ASH1L: variants seen among roughly 807,000 people sequenced by gnomAD.
ASH1L encodes ASH1 like histone lysine methyltransferase.
ASH1L carries 23 observed loss-of-function variants against 269.0 expected under a neutral mutation model. The observed-to-expected ratio is 0.09, with a 90% CI of 0.06 to 0.12. The LOEUF is 0.12. Ranked by LOEUF, ASH1L falls within the 10% of genes least tolerant of loss-of-function variation. ASH1L has a pLI of 1.00. For synonymous variants in ASH1L, 1,187 were observed against 1,253.5 expected (o/e 0.95, Z 1.12); for missense variants, 2,912 against 3,567.8 (o/e 0.82, Z 4.68).
At chr1:155,556,374 T>TTATAAA (rs987736630) in intron 1 of ASH1L, among the ~76,000 whole-genome samples, 3 of 150,776 alleles carry the variant, frequency 2.0e-5, no homozygotes, top group African/African-American at 7.3e-5. Context: ...CTGTAAAAAA[T>TTATAAA]TATAAATATA....
chr1:155,521,344 T>G lies in ASH1L; in HGVS notation c.176A>C (p.Glu59Ala), dbSNP rs1204718205. ...AGTCAAACCATCATCTTTCCCAGCT[T>G]CGATGTTTCTTTCTCGATTCCGTTT... Reference protein sequence around the residue: ...LRKRNRERNIEAGKDDGLTDA... With the variant: ...LRKRNRERNIAAGKDDGLTDA... Residue 59 changes from glutamate to alanine, a missense_variant, in exon 2 of 28, where the codon GAA becomes GCA. Glu to Ala is a moderately radical substitution (Grantham distance 107). Transcript: ENST00000392403. 6.2e-7 allele frequency: 1 copy of G among 1,614,200 alleles called. No individual in the cohort carries two copies.
rs536896427 is a variant in ASH1L at position 155,350,014 on chromosome 1, C to T, written c.7367-418G>A. 4.6e-5 allele frequency among the ~76,000 whole-genome samples: 7 copies of T among 151,802 alleles called. No individual in the cohort carries two copies. In the South Asian group the frequency reaches 8.3e-4, roughly 18 times the overall value. On this transcript the variant is annotated intron_variant, in intron 17 of 27. Transcript: ENST00000392403. ...ATGCCATTCTCCTGCCTCAGCCTCC[C>T]GAGTAGCTGGGACTACAGGTACCCG... is the stretch of plus-strand genomic sequence containing the variant.
At position 155,542,702 on chromosome 1, in the gene ASH1L, A is replaced by C. The variant is rs578078137; in HGVS notation, c.-100+19451T>G. Among the ~76,000 whole-genome samples, 8 of 144,904 alleles carry C rather than the reference A, an allele frequency of 5.5e-5. No individual in the cohort carries two copies. The East Asian group carries it at 1.6e-3, about 30-fold the overall frequency. ...ATTAATTTTTTTTTTTTTTTTGAGA[A>C]GGAGTCTCATTCTGTCACCCAGGCT... On this transcript the variant is annotated intron_variant, in intron 1 of 27. Coordinates refer to ENST00000392403, the MANE Select transcript of ASH1L (RefSeq NM_018489.3).
At chr1:155,455,399 C>T (rs373430811) in intron 4 of ASH1L, among the ~76,000 whole-genome samples, 3 of 152,116 alleles carry the variant, frequency 2.0e-5, no homozygotes, top group East Asian at 1.9e-4. Flanking sequence ...AGTATATTAT[C>T]CCTTTGGATT....
At chr1:155,547,722 T>C (rs1670927578) in intron 1 of ASH1L, among the ~76,000 whole-genome samples, 1 of 147,772 alleles carries the variant, frequency 6.8e-6, no homozygotes, top group South Asian at 2.1e-4. Context: ...AAACTCAGTC[T>C]CAAAAAAAAA....
rs374397967 is a variant in ASH1L at position 155,410,596 on chromosome 1, G to A, written c.6008+5148C>T. Among the ~76,000 whole-genome samples, 202 of 152,194 alleles carry A rather than the reference G, an allele frequency of 1.3e-3. 1 individual carries two copies. The highest frequency in any genetic ancestry group is 4.0e-3 in the African/African-American group (167 of 41,534). On this transcript the variant is annotated intron_variant, in intron 6 of 27. Transcript: ENST00000392403. The stretch of plus-strand genomic sequence containing the variant: ...CTCAAGCAATCCTCCAGCTCCAGCC[G>A]CCTAAAGTGCTGGGATTACAGGCGT...
chr1:155,506,443 T>C (rs1667819412), intron 2 of ASH1L, among the ~76,000 whole-genome samples: 1 of 152,216 alleles, frequency 6.6e-6, no homozygotes, highest in East Asian at 1.9e-4. Context: ...ACGCCTGTAA[T>C]CCTAGCACTT....
At position 155,392,070 on chromosome 1, in the gene ASH1L, C is replaced by T. The variant is rs375789494; in HGVS notation, c.6103+3389G>A. ...AACCAAAATCTGTAACACTCTCTTCCGTGGGGTAGGCAGCAGCTGAAATCC... is the reference window on the plus strand; with the variant it reads ...AACCAAAATCTGTAACACTCTCTTCTGTGGGGTAGGCAGCAGCTGAAATCC... On this transcript the variant is annotated intron_variant, in intron 7 of 27. Coordinates refer to ENST00000392403, the MANE Select transcript of ASH1L (RefSeq NM_018489.3). 4.5e-4 allele frequency among the ~76,000 whole-genome samples: 69 copies of T among 152,226 alleles called. 1 individual carries two copies. In the South Asian group the frequency reaches 9.3e-3, roughly 21 times the overall value.
intron 1 of ASH1L, among the ~76,000 whole-genome samples, chr1:155,542,873 G>A (rs1320309291): frequency 6.6e-6 from 1 of 151,512 alleles, no homozygotes; most frequent in Non-Finnish European, 1.5e-5. Flanking sequence ...TACAGACAGG[G>A]TTTCATCATG....
chr1:155,339,214 G>T, intron 26 of ASH1L, 114 bp downstream of exon 26: 3 of 932,156 alleles, frequency 3.2e-6, no homozygotes, highest in Non-Finnish European at 5.2e-6. Flanking sequence ...GGGCTACTCT[G>T]CAGAGAATAC....
chr1:155,535,090 G>A (rs1162614458), intron 1 of ASH1L, among the ~76,000 whole-genome samples: 1 of 151,746 alleles, frequency 6.6e-6, no homozygotes, highest in Non-Finnish European at 1.5e-5. Flanking sequence ...TCGGGAGGCT[G>A]AGGCAGGAGA....
At chr1:155,359,033 T>C (rs2148377498) in intron 13 of ASH1L, among the ~76,000 whole-genome samples, 1 of 152,220 alleles carries the variant, frequency 6.6e-6, no homozygotes, top group East Asian at 1.9e-4. Flanking sequence ...GGTGGGAAGA[T>C]TGCTTAAGCC....
intron 2 of ASH1L, among the ~76,000 whole-genome samples, chr1:155,507,228 C>T (rs541997622): frequency 2.7e-5 from 4 of 149,076 alleles, no homozygotes; most frequent in East Asian, 2.0e-4. Flanking sequence ...TGCGGTGTGC[C>T]GAGATCGCGC....
intron 1 of ASH1L, among the ~76,000 whole-genome samples, chr1:155,556,937 A>ACAATGGAAGGACTGCTT: frequency 6.6e-6 from 1 of 152,256 alleles, no homozygotes; most frequent in East Asian, 1.9e-4. Context: ...GTTACTTGGG[A>ACAATGGAAGGACTGCTT]CAATGGAAGG....
At position 155,438,493 on chromosome 1, in the gene ASH1L, G is replaced by A. The variant is rs1222427655; in HGVS notation, c.5662C>T (p.Leu1888Phe). 6.2e-7 allele frequency: 1 copy of A among 1,613,648 alleles called. No individual in the cohort carries two copies. Among genetic ancestry groups the A allele is most frequent in the South Asian group, 1.1e-5 (1 of 90,958 alleles). ...NRDEEGAALHLSPDTVTDVIE... is the reference protein window; with the variant it reads ...NRDEEGAALHFSPDTVTDVIE... ...ACATCTGTAACTGTGTCAGGACTGA[G>A]GTGCAGTGCTGCTCCTTCCTCGTCT... The change falls in exon 5 of 28, where the codon CTC becomes TTC. Residue 1888 changes from leucine (L) to phenylalanine (F), a missense_variant. Coordinates refer to ENST00000392403, the MANE Select transcript of ASH1L (RefSeq NM_018489.3).
chr1:155,338,092 T>C lies in ASH1L; in HGVS notation c.8800A>G (p.Asn2934Asp). 1 of 1,612,134 alleles carries C rather than the reference T, an allele frequency of 6.2e-7. No individual in the cohort carries two copies. Among genetic ancestry groups the C allele is most frequent in the Admixed American group, 1.7e-5 (1 of 59,832 alleles). Reference sequence around the variant, plus strand: ...ATATGAACCTGATTCTTCTTACCATTTTTTCCAGGGATTTTTTCAAGGAGA... The same window carrying C: ...ATATGAACCTGATTCTTCTTACCATCTTTTCCAGGGATTTTTTCAAGGAGA... ...LNLLEKIPGK[N>D]AIDVTYLLEE... Residue 2934 changes from asparagine to aspartate, a missense_variant, in exon 27 of 28, where the codon AAT becomes GAT. Asn to Asp is a conservative substitution (Grantham distance 23). Around this residue, in one of 13 missense-constraint regions of ASH1L, gnomAD observed 154 missense variants for 165.0 expected, o/e 0.93. Transcript: ENST00000392403.
intron 5 of ASH1L, among the ~76,000 whole-genome samples, chr1:155,422,592 T>C (rs1660789035): frequency 6.6e-6 from 1 of 151,646 alleles, no homozygotes; most frequent in African/African-American, 2.4e-5. Context: ...TGGGAACTTG[T>C]CTACTGCCTC....
At chr1:155,433,018 G>T (rs1470061233) in intron 5 of ASH1L, among the ~76,000 whole-genome samples, 1 of 152,218 alleles carries the variant, frequency 6.6e-6, no homozygotes, top group Non-Finnish European at 1.5e-5. Context: ...TGGTCAAGAT[G>T]TCTCAAACTA....
At chr1:155,370,077 AT>A in intron 12 of ASH1L, 1 of 179,156 alleles carries the variant, frequency 5.6e-6, no homozygotes, top group Non-Finnish European at 1.2e-5. Flanking sequence ...TATTATCATT[AT>A]TTTTTGTTTT....
Sources: allele counts gnomAD v4.1 joint callset (sites outside exome capture counted in the v4.1 genomes callset), GRCh38; gene constraint gnomAD v4.1.1; regional missense constraint gnomAD v4.1.1; transcripts MANE v1.5; gene names NCBI Gene and HGNC (gene_info 2026-07-23, HGNC 2026-07-21).